The following PAN3 variants were observed in gnomAD, a reference collection of about 807,000 sequenced individuals.
The protein encoded by PAN3 is poly(A) specific ribonuclease subunit PAN3, also known as PAN2-PAN3 deadenylation complex subunit PAN3.
PAN3 carries 19 observed loss-of-function variants against 96.2 expected under a neutral mutation model. That is an observed-to-expected ratio of 0.20 (90% CI 0.14 to 0.29). The LOEUF (loss-of-function observed/expected upper bound fraction) is 0.29, where lower values mean the gene tolerates loss of function less well. Ranked by LOEUF, PAN3 falls within the 10% of genes least tolerant of loss-of-function variation. The pLI is 1.00. For synonymous variants in PAN3, 433 were observed against 406.6 expected (o/e 1.06, Z -0.78); for missense variants, 882 against 1,108.1 (o/e 0.80, Z 2.90).
intron 6 of PAN3, among the ~76,000 whole-genome samples, chr13:28,233,794 T>G (rs1882831585): frequency 6.6e-6 from 1 of 152,232 alleles, no homozygotes; most frequent in Admixed American, 6.5e-5. Context: ...TTCTAAAATC[T>G]AATCTCCCTG....
chr13:28,142,569 A>G (rs1870007913), intron 1 of PAN3, among the ~76,000 whole-genome samples: 1 of 141,252 alleles, frequency 7.1e-6, no homozygotes. Context: ...AAGCACCTCT[A>G]ATTATTTTGT....
At chr13:28,231,854 A>T (rs186327357) in intron 6 of PAN3, among the ~76,000 whole-genome samples, 1 of 152,270 alleles carries the variant, frequency 6.6e-6, no homozygotes, top group East Asian at 1.9e-4. Flanking sequence ...GTGAGCTATG[A>T]TCACACAATT....
At chr13:28,156,692 A>G (rs898777011) in intron 1 of PAN3, among the ~76,000 whole-genome samples, 2 of 152,196 alleles carry the variant, frequency 1.3e-5, no homozygotes, top group Admixed American at 6.5e-5. Context: ...CCAGCAGCAT[A>G]ACAAAAAGCT....
intron 4 of PAN3, among the ~76,000 whole-genome samples, chr13:28,180,153 A>G (rs534883502): frequency 4.7e-4 from 71 of 152,288 alleles, no homozygotes; most frequent in Non-Finnish European, 8.2e-4. Flanking sequence ...CTGTGAAATG[A>G]AGAGCATGAC....
intron 1 of PAN3, among the ~76,000 whole-genome samples, chr13:28,151,603 G>C (rs1871374743): frequency 6.6e-6 from 1 of 152,124 alleles, no homozygotes; most frequent in African/African-American, 2.4e-5. Flanking sequence ...AGATGATGGT[G>C]GTTTAGGCAG....
At position 28,292,443 on chromosome 13, in the gene PAN3, T is replaced by G; in HGVS notation, c.2585T>G (p.Val862Gly). 1 of 1,612,704 alleles carries G rather than the reference T, an allele frequency of 6.2e-7. No individual in the cohort carries two copies. Among genetic ancestry groups the G allele is most frequent in the Non-Finnish European group, 8.5e-7 (1 of 1,179,554 alleles). ...TCCAGAGATGAGAAGAGTGTACTTGTGGTGACCTACAGTGACTTAAAGCGC... is the reference window on the plus strand; with the variant it reads ...TCCAGAGATGAGAAGAGTGTACTTGGGGTGACCTACAGTGACTTAAAGCGC... ...LISRDEKSVLVVTYSDLKRCF... is the reference protein window; with the variant it reads ...LISRDEKSVLGVTYSDLKRCF... Residue 862 changes from valine to glycine, a missense_variant, in exon 19 of 19, where the codon GTG becomes GGG. Physicochemically the swap from Val to Gly is moderately radical, Grantham distance 109 (BLOSUM62 -3). Coordinates refer to ENST00000380958, the MANE Select transcript of PAN3 (RefSeq NM_175854.8).
At chr13:28,144,128 C>G (rs539994893) in intron 1 of PAN3, among the ~76,000 whole-genome samples, 1 of 149,540 alleles carries the variant, frequency 6.7e-6, no homozygotes, top group Non-Finnish European at 1.5e-5. Context: ...AACAAAAAAA[C>G]ATAATTCAGC....
intron 4 of PAN3, among the ~76,000 whole-genome samples, chr13:28,195,218 C>T (rs1877885807): frequency 6.6e-6 from 1 of 152,000 alleles, no homozygotes; most frequent in Non-Finnish European, 1.5e-5. Flanking sequence ...GCCTGGGTGA[C>T]ATAATGAAAC....
At chr13:28,206,479 C>T (rs1342552266) in intron 5 of PAN3, among the ~76,000 whole-genome samples, 1 of 151,740 alleles carries the variant, frequency 6.6e-6, no homozygotes, top group East Asian at 1.9e-4. Context: ...TGCACCACCA[C>T]ACCCGGCTAA....
chr13:28,144,070 G>C (rs1870228505), intron 1 of PAN3, among the ~76,000 whole-genome samples: 1 of 152,006 alleles, frequency 6.6e-6, no homozygotes, highest in Non-Finnish European at 1.5e-5. Context: ...TTAATATCCT[G>C]CTTCCAAGGT....
intron 15 of PAN3, among the ~76,000 whole-genome samples, chr13:28,279,408 A>G (rs1311681586): frequency 6.6e-5 from 10 of 152,198 alleles, no homozygotes; most frequent in African/African-American, 2.4e-4. Flanking sequence ...AACAACAGGA[A>G]AAGCTCCCCA....
At chr13:28,152,679 G>A (rs1871521836) in intron 1 of PAN3, among the ~76,000 whole-genome samples, 1 of 152,104 alleles carries the variant, frequency 6.6e-6, no homozygotes, top group Non-Finnish European at 1.5e-5. Flanking sequence ...ATTCTAATTA[G>A]CTACCTTTGT....
At chr13:28,288,935 T>G (rs1869341642) in intron 18 of PAN3, among the ~76,000 whole-genome samples, 2 of 147,922 alleles carry the variant, frequency 1.4e-5, no homozygotes, top group South Asian at 2.2e-4. Flanking sequence ...CACGCCATTC[T>G]CCTGCCTCAG....
At chr13:28,221,058 A>G (rs1450560629) in intron 6 of PAN3, among the ~76,000 whole-genome samples, 3 of 152,202 alleles carry the variant, frequency 2.0e-5, no homozygotes, top group Non-Finnish European at 4.4e-5. Context: ...TGAGAAATCT[A>G]TGATTCTTTG....
At chr13:28,219,034 G>A (rs183861572) in intron 5 of PAN3, among the ~76,000 whole-genome samples, 9 of 152,280 alleles carry the variant, frequency 5.9e-5, no homozygotes, top group East Asian at 1.9e-4. Context: ...AAGGTACTAC[G>A]TTAGTAAAAT....
At chr13:28,246,058 C>T (rs919545987) in intron 6 of PAN3, among the ~76,000 whole-genome samples, 1 of 152,082 alleles carries the variant, frequency 6.6e-6, no homozygotes, top group African/African-American at 2.4e-5. Context: ...CACAATTCCA[C>T]TGTTAGGGTC....
At chr13:28,247,491 AC>A (rs1884315183) in intron 6 of PAN3, among the ~76,000 whole-genome samples, 2 of 152,138 alleles carry the variant, frequency 1.3e-5, no homozygotes, top group Admixed American at 6.5e-5. Context: ...TTGAGATCTT[AC>A]GCAAAATATC....
At chr13:28,264,933 C>T (rs767106129) in intron 9 of PAN3, among the ~76,000 whole-genome samples, 2 of 152,162 alleles carry the variant, frequency 1.3e-5, no homozygotes, top group Non-Finnish European at 2.9e-5. Context: ...GGCGACTTTA[C>T]CTCTTACATG....
intron 6 of PAN3, among the ~76,000 whole-genome samples, chr13:28,246,009 GT>G (rs1052556224): frequency 2.6e-5 from 4 of 152,128 alleles, no homozygotes; most frequent in African/African-American, 9.7e-5. Context: ...GCGAACCTAT[GT>G]TTTTAGTGCT....
Sources: allele counts gnomAD v4.1 joint callset (sites outside exome capture counted in the v4.1 genomes callset), GRCh38; gene constraint gnomAD v4.1.1; transcripts MANE v1.5; gene names NCBI Gene and HGNC (gene_info 2026-07-23, HGNC 2026-07-21).